Variants in ZNF280D observed in about 807,000 individuals in gnomAD.
ZNF280D encodes suppressor of hairy wing homolog 4.
In ZNF280D, 39 loss-of-function variants were observed where a neutral mutation model predicts 94.7. The ratio of observed to expected loss-of-function variants is 0.41; its 90% confidence interval spans 0.32 to 0.54. The LOEUF (loss-of-function observed/expected upper bound fraction) is 0.54. Among genes scored for constraint, ZNF280D ranks in the 20% least tolerant of loss-of-function variants. The pLI, the probability that ZNF280D is intolerant of heterozygous loss-of-function variation, is 0.22. For missense variants in ZNF280D, 1,090 were observed against 1,149.3 expected (o/e 0.95, Z 0.75); for synonymous variants, 398 against 377.6 (o/e 1.05, Z -0.63).
chr15:56,703,848 G>C (rs1298552784), intron 4 of ZNF280D, among the ~76,000 whole-genome samples: 3 of 129,454 alleles, frequency 2.3e-5, no homozygotes, highest in Non-Finnish European at 4.8e-5. Flanking sequence ...GTGAGACCCT[G>C]TCTCAAAATA....
At chr15:56,676,563 G>A in intron 13 of ZNF280D, 107 bp downstream of exon 13, 1 of 985,650 alleles carries the variant, frequency 1.0e-6, no homozygotes, top group Non-Finnish European at 1.4e-6. Flanking sequence ...AGTGTCATTT[G>A]GAACAACTCT....
At chr15:56,644,022 A>C (rs911213763) in intron 19 of ZNF280D, among the ~76,000 whole-genome samples, 3 of 152,018 alleles carry the variant, frequency 2.0e-5, no homozygotes, top group Admixed American at 1.3e-4. Context: ...TATTTGAAAA[A>C]TTAGGGCTAT....
intron 16 of ZNF280D, among the ~76,000 whole-genome samples, chr15:56,659,228 C>T (rs2053752937): frequency 1.4e-5 from 2 of 144,574 alleles, no homozygotes; most frequent in Admixed American, 1.4e-4. Context: ...AATGTTTCCT[C>T]TAAGCACAGA....
intron 1 of ZNF280D, among the ~76,000 whole-genome samples, chr15:56,711,746 G>T (rs1275347849): frequency 1.3e-5 from 2 of 152,154 alleles, no homozygotes; most frequent in African/African-American, 4.8e-5. Flanking sequence ...AAATCATTTT[G>T]TTTTATGGTC....
intron 13 of ZNF280D, among the ~76,000 whole-genome samples, chr15:56,672,359 T>C (rs550361875): frequency 6.6e-6 from 1 of 152,224 alleles, no homozygotes; most frequent in South Asian, 2.1e-4. Flanking sequence ...GTTCCCTCAG[T>C]ACCTAGTTTA....
At chr15:56,714,115 C>A (rs2057914316) in intron 1 of ZNF280D, among the ~76,000 whole-genome samples, 1 of 152,098 alleles carries the variant, frequency 6.6e-6, no homozygotes, top group South Asian at 2.1e-4. Flanking sequence ...TCAAGTATTT[C>A]TTACAAATGT....
chr15:56,641,495 G>A (rs1447255410), intron 20 of ZNF280D, among the ~76,000 whole-genome samples: 1 of 151,856 alleles, frequency 6.6e-6, no homozygotes, highest in African/African-American at 2.4e-5. Flanking sequence ...CATTTATCTT[G>A]ATGCCCATAA....
At chr15:56,648,868 C>A (rs1305297206) in intron 19 of ZNF280D, among the ~76,000 whole-genome samples, 1 of 152,116 alleles carries the variant, frequency 6.6e-6, no homozygotes. Context: ...TTCCACCTCA[C>A]CCTCAACCCA....
Position 56,630,335 on chromosome 15 carries a change from G to T in ZNF280D, c.*1163C>A, listed in dbSNP as rs77553970. 2.0e-5 allele frequency: 3 copies of T among 152,054 alleles called. No individual in the cohort carries two copies. Among genetic ancestry groups the T allele is most frequent in the Non-Finnish European group, 2.9e-5 (2 of 67,926 alleles). The allele number at this position is 152,054 out of a possible 1,614,324, so 9.4% of individuals were successfully genotyped here. On this transcript the variant is annotated 3_prime_UTR_variant, in exon 22 of 22. Coordinates refer to ENST00000267807, the MANE Select transcript of ZNF280D (RefSeq NM_017661.4). ...TAAAAATGAAGCATTTTAAATAAAA[G>T]TTTATTAGTATTTCAAAGCAAACTA... is the stretch of plus-strand genomic sequence containing the variant.
Position 56,635,184 on chromosome 15 carries a change from C to T in ZNF280D, c.2315+11G>A. 6.6e-7 allele frequency: 1 copy of T among 1,519,598 alleles called. No homozygotes were observed. The allele number at this position is 1,519,598 out of a possible 1,614,324, so 94.1% of individuals were successfully genotyped here. ...TGAATTTTATGAAATTCAGTTTTTC[C>T]TTATATTTACCTTTCAGAATTTGAT... On this transcript the variant is annotated intron_variant, in intron 21 of 21. Coordinates refer to ENST00000267807, the MANE Select transcript of ZNF280D (RefSeq NM_017661.4).
At position 56,676,891 on chromosome 15, in the gene ZNF280D, A is replaced by G. The variant is rs557199042; in HGVS notation, c.1264-75T>C. On this transcript the variant is annotated intron_variant, in intron 12 of 21. Coordinates refer to ENST00000267807, the MANE Select transcript of ZNF280D (RefSeq NM_017661.4). ...TGCAATTACAAAGGAACAATGATGG[A>G]TAATTTGTCAGGAGAACATTATGTA... 1,301 of 1,160,914 alleles carry G rather than the reference A, an allele frequency of 1.1e-3. 30 individuals are homozygous for G. In the South Asian group the frequency reaches 0.018, roughly 16 times the overall value. The allele number at this position is 1,160,914 out of a possible 1,614,324, so 71.9% of individuals were successfully genotyped here.
At chr15:56,730,214 AT>A (rs2058821369) in intron 1 of ZNF280D, 1 of 152,214 alleles carries the variant, frequency 6.6e-6, no homozygotes, top group Non-Finnish European at 1.5e-5. Flanking sequence ...TAAGGCACTG[AT>A]TAAATCAAGT....
chr15:56,682,608 A>G, intron 9 of ZNF280D, 131 bp from the exon 10 acceptor site: 1 of 568,590 alleles, frequency 1.8e-6, no homozygotes, highest in Non-Finnish European at 2.9e-6. Flanking sequence ...ATCTAGAAAA[A>G]TAGTCACCAA....
At chr15:56,704,356 A>C in intron 3 of ZNF280D, 89 bp from the exon 4 acceptor site, 1 of 1,279,068 alleles carries the variant, frequency 7.8e-7, no homozygotes, top group Non-Finnish European at 1.1e-6. Flanking sequence ...TTTAAGGTGT[A>C]CTTTAATAAT....
chr15:56,661,552 T>TGTAAGAAAC (rs1161010800), intron 16 of ZNF280D, among the ~76,000 whole-genome samples: 1 of 152,214 alleles, frequency 6.6e-6, no homozygotes, highest in African/African-American at 2.4e-5. Context: ...GTACCTACTG[T>TGTAAGAAAC]GTAAGAAACA....
At chr15:56,647,128 G>C (rs777139602) in intron 19 of ZNF280D, among the ~76,000 whole-genome samples, 1 of 152,164 alleles carries the variant, frequency 6.6e-6, no homozygotes, top group Admixed American at 6.5e-5. Context: ...GACCAAATTT[G>C]TGCATCAGAA....
chr15:56,652,169 T>C (rs183289818), intron 19 of ZNF280D, among the ~76,000 whole-genome samples: 1 of 152,252 alleles, frequency 6.6e-6, no homozygotes, highest in Non-Finnish European at 1.5e-5. Flanking sequence ...TAGATTCAAC[T>C]CTTTTGATAA....
intron 20 of ZNF280D, 69 bp downstream of exon 20, chr15:56,642,883 A>T (rs1048918554): frequency 1.7e-6 from 2 of 1,207,690 alleles, no homozygotes; most frequent in Non-Finnish European, 1.1e-6. Flanking sequence ...TTGAAAAAAA[A>T]TTTTATATCA....
At chr15:56,691,432 T>C (rs1222174318) in intron 7 of ZNF280D, among the ~76,000 whole-genome samples, 2 of 152,208 alleles carry the variant, frequency 1.3e-5, no homozygotes, top group African/African-American at 4.8e-5. Context: ...GAATTAAGCA[T>C]CTGATTATAT....
Sources: allele counts gnomAD v4.1 joint callset (sites outside exome capture counted in the v4.1 genomes callset), GRCh38; gene constraint gnomAD v4.1.1; transcripts MANE v1.5; gene names NCBI Gene and HGNC (gene_info 2026-07-23, HGNC 2026-07-21).